PARD3B: variants seen among roughly 807,000 people sequenced by gnomAD.
PARD3B encodes par-3 family cell polarity regulator beta.
PARD3B carries 103 observed loss-of-function variants against 130.2 expected under a neutral mutation model. The ratio of observed to expected loss-of-function variants is 0.79; its 90% confidence interval spans 0.67 to 0.93. PARD3B has a LOEUF of 0.93. Among genes scored for constraint, PARD3B ranks in the 40% least tolerant of loss-of-function variants. The probability of loss-of-function intolerance (pLI) is 0.00; values close to 1 mark genes in which losing one functional copy is unlikely to be tolerated. For synonymous variants in PARD3B, 583 were observed against 553.2 expected (o/e 1.05, Z -0.76); for missense variants, 1,609 against 1,499.2 (o/e 1.07, Z -1.21).
At chr2:205,090,436 G>C (rs977576122) in intron 4 of PARD3B, among the ~76,000 whole-genome samples, 4 of 152,146 alleles carry the variant, frequency 2.6e-5, no homozygotes, top group Non-Finnish European at 5.9e-5. Context: ...CATATTAAAA[G>C]TACAGTTCAG....
At chr2:205,540,306 G>A (rs147763005) in intron 21 of PARD3B, among the ~76,000 whole-genome samples, 1 of 151,690 alleles carries the variant, frequency 6.6e-6, no homozygotes, top group Non-Finnish European at 1.5e-5. Flanking sequence ...CTTCCTGGAA[G>A]CTGCAGCTTA....
chr2:205,447,618 C>A (rs1423106223), intron 20 of PARD3B, among the ~76,000 whole-genome samples: 1 of 152,176 alleles, frequency 6.6e-6, no homozygotes, highest in Non-Finnish European at 1.5e-5. Flanking sequence ...ACCTCATGAT[C>A]TGCCCACCTG....
At chr2:205,008,614 T>TAG (rs1695465471) in intron 3 of PARD3B, among the ~76,000 whole-genome samples, 1 of 152,184 alleles carries the variant, frequency 6.6e-6, no homozygotes, top group Non-Finnish European at 1.5e-5. Flanking sequence ...TTTATGTATC[T>TAG]CTAGACTAAA....
chr2:205,051,008 A>G (rs962712978), intron 4 of PARD3B, among the ~76,000 whole-genome samples: 6 of 152,154 alleles, frequency 3.9e-5, no homozygotes, highest in Non-Finnish European at 8.8e-5. Context: ...GGCACCCTGC[A>G]TATAGCCCTA....
At chr2:204,719,489 G>A (rs1421383808) in intron 2 of PARD3B, among the ~76,000 whole-genome samples, 1 of 152,180 alleles carries the variant, frequency 6.6e-6, no homozygotes, top group Non-Finnish European at 1.5e-5. Flanking sequence ...TTAATTCACT[G>A]TAATGCTATG....
chr2:205,518,891 T>TCAGA (rs1553535888), intron 21 of PARD3B, among the ~76,000 whole-genome samples: 7 of 152,208 alleles, frequency 4.6e-5, no homozygotes, highest in African/African-American at 1.4e-4. Flanking sequence ...TTTTTTTCTT[T>TCAGA]CAGACACTTG....
intron 20 of PARD3B, among the ~76,000 whole-genome samples, chr2:205,484,390 CTT>C (rs2049359288): frequency 6.6e-6 from 1 of 152,034 alleles, no homozygotes; most frequent in Non-Finnish European, 1.5e-5. Flanking sequence ...GCCTTTTGGC[CTT>C]TTTTCTTCTC....
rs1012165611 is a variant in PARD3B at position 205,158,798 on chromosome 2, C to A, written c.1511C>A (p.Ser504Ter). ...QLTFEIPLNDSGSAGLGVSLK... is the reference protein window; with the variant it reads ...QLTFEIPLND ...ACCTTTGAGATCCCCCTGAATGATTCAGGTTCTGCTGGCCTCGGGGTGAGC... is the reference window on the plus strand; with the variant it reads ...ACCTTTGAGATCCCCCTGAATGATTAAGGTTCTGCTGGCCTCGGGGTGAGC... The change falls in exon 11 of 23, where the codon TCA becomes TAA. Residue 504 changes from serine to a stop codon, truncating the protein, a stop_gained. Transcript: ENST00000406610. LOFTEE classifies it high-confidence loss of function. The surrounding 1 kb of genome is among the most constrained non-coding windows in gnomAD (Gnocchi z 5.4). The A allele has an allele frequency of 1.2e-6, 2 of 1,614,042 alleles. No individual in the cohort carries two copies. The highest frequency in any genetic ancestry group is 8.5e-7 in the Non-Finnish European group (1 of 1,180,004).
intron 6 of PARD3B, among the ~76,000 whole-genome samples, chr2:205,117,440 G>C (rs1559454870): frequency 1.3e-5 from 2 of 152,164 alleles, no homozygotes; most frequent in Admixed American, 1.3e-4. Flanking sequence ...AAATATCACT[G>C]CCATGCCTGT....
chr2:205,251,512 A>G (rs764838751), intron 16 of PARD3B, among the ~76,000 whole-genome samples: 1 of 152,198 alleles, frequency 6.6e-6, no homozygotes, highest in Non-Finnish European at 1.5e-5. Flanking sequence ...TCCTTGCAAA[A>G]GAACAGAGCT....
intron 1 of PARD3B, among the ~76,000 whole-genome samples, chr2:204,572,761 C>G (rs545401339): frequency 6.6e-6 from 1 of 152,094 alleles, no homozygotes; most frequent in Non-Finnish European, 1.5e-5. Context: ...ATTTATGTAG[C>G]CAGCATTCAT....
rs1316165235 is a variant in PARD3B at position 205,405,918 on chromosome 2, G to A, written c.2741+4795G>A. Among the ~76,000 whole-genome samples the A allele has an allele frequency of 1.3e-5, 2 of 152,212 alleles. No individual in the cohort carries two copies. The highest frequency in any genetic ancestry group is 4.8e-5 in the African/African-American group (2 of 41,460). On this transcript the variant is annotated intron_variant, in intron 19 of 22. Coordinates refer to ENST00000406610, the MANE Select transcript of PARD3B (RefSeq NM_001302769.2). This position sits in a 1 kb window ranked among gnomAD's most constrained non-coding sequence, Gnocchi z 4.1. ...TAAGTTTAGCATGAGTCAACATGTGGATATGCCTGCCAAAAGCTTAATCTG... is the reference window on the plus strand; with the variant it reads ...TAAGTTTAGCATGAGTCAACATGTGAATATGCCTGCCAAAAGCTTAATCTG...
chr2:205,045,256 A>T (rs1218544823), intron 3 of PARD3B, among the ~76,000 whole-genome samples: 1 of 150,262 alleles, frequency 6.7e-6, no homozygotes, highest in African/African-American at 2.4e-5. Context: ...TATTATTATT[A>T]CTATTATTTT....
At chr2:205,560,232 G>T (rs895258068) in intron 22 of PARD3B, among the ~76,000 whole-genome samples, 1 of 152,144 alleles carries the variant, frequency 6.6e-6, no homozygotes, top group Non-Finnish European at 1.5e-5. Flanking sequence ...TCACCTGTTT[G>T]TATTTCTTAC....
chr2:205,483,066 G>A (rs2049306000), intron 20 of PARD3B, among the ~76,000 whole-genome samples: 1 of 144,822 alleles, frequency 6.9e-6, no homozygotes, highest in African/African-American at 2.6e-5. Context: ...TTCATTGTGT[G>A]TCCATGGGCA....
chr2:205,480,384 CT>C (rs1338788140), intron 20 of PARD3B, among the ~76,000 whole-genome samples: 2 of 152,136 alleles, frequency 1.3e-5, no homozygotes, highest in Non-Finnish European at 2.9e-5. Context: ...AAGTAGCCAC[CT>C]AGTCACTGTC....
At chr2:205,398,659 C>T (rs1243444655) in intron 18 of PARD3B, among the ~76,000 whole-genome samples, 1 of 152,146 alleles carries the variant, frequency 6.6e-6, no homozygotes, top group Non-Finnish European at 1.5e-5. Flanking sequence ...AAGGCAGGAC[C>T]ATGGCACAAT....
At chr2:204,551,268 T>G (rs914660936) in intron 1 of PARD3B, among the ~76,000 whole-genome samples, 2 of 152,196 alleles carry the variant, frequency 1.3e-5, no homozygotes, top group Non-Finnish European at 2.9e-5. Flanking sequence ...CTATCTTCTT[T>G]GGGGGAAAAG....
In PARD3B at chr2:205,530,516, A is replaced by T. The variant is rs538529000; in HGVS notation, c.3181-22808A>T. ...CTTTGTCTGCTTTCTTCCAGAATACAGCGTGCTCTGGTTAGTACAATAGCT... is the reference window on the plus strand; with the variant it reads ...CTTTGTCTGCTTTCTTCCAGAATACTGCGTGCTCTGGTTAGTACAATAGCT... On this transcript the variant is annotated intron_variant, in intron 21 of 22. Transcript: ENST00000406610. The surrounding 1 kb of genome is among the most constrained non-coding windows in gnomAD (Gnocchi z 4.7). Among the ~76,000 whole-genome samples the T allele has an allele frequency of 2.0e-5, 3 of 152,190 alleles. No homozygotes were observed. The highest frequency in any genetic ancestry group is 4.4e-5 in the Non-Finnish European group (3 of 68,044).
Sources: gnomAD v4.1 joint callset for allele counts (sites outside exome capture counted in the v4.1 genomes callset) on GRCh38, gnomAD v4.1.1 for gene constraint, Gnocchi (gnomAD v3.1) non-coding constraint, MANE v1.5 for transcripts, NCBI Gene and HGNC (gene_info 2026-07-23, HGNC 2026-07-21) for gene names.